DDA1: variants seen among roughly 807,000 people sequenced by gnomAD.
The protein encoded by DDA1 is DET1- and DDB1-associated protein 1.
In DDA1, 3 loss-of-function variants were observed where a neutral mutation model predicts 18.6. The observed-to-expected ratio is 0.16, with a 90% confidence interval of 0.07 to 0.42. The LOEUF (loss-of-function observed/expected upper bound fraction) is 0.42. DDA1 is among the 10% of genes least tolerant of loss of function. The pLI is 0.99. For synonymous variants in DDA1, 52 were observed against 54.0 expected (o/e 0.96, Z 0.17); for missense variants, 105 against 138.2 (o/e 0.76, Z 1.20).
intron 3 of DDA1, among the ~76,000 whole-genome samples, chr19:17,315,302 GTGTA>G (rs766194262): frequency 1.4e-4 from 4 of 28,964 alleles, no homozygotes; most frequent in African/African-American, 9.9e-4. Context: ...ATATACACAC[GTGTA>G]TATATATACA....
At position 17,314,027 on chromosome 19, in the gene DDA1, A is replaced by C; in HGVS notation, c.8A>C (p.Asp3Ala). The part of the protein sequence containing the change: MA[D>A]FLKGLPVYNK... ...ACCATCTTCCATGTCTTCTAGGCAG[A>C]TTTTTTGAAAGGACTGCCTGTCTAC... is the stretch of plus-strand genomic sequence containing the variant. The change falls in exon 2 of 5, where the codon GAT becomes GCT. Residue 3 changes from aspartate (D) to alanine (A), a missense_variant. Around this residue, in one of 2 missense-constraint regions of DDA1, gnomAD observed 43 missense variants for 82.3 expected, o/e 0.52. Coordinates refer to ENST00000359866, the MANE Select transcript of DDA1 (RefSeq NM_024050.6). The surrounding 1 kb of genome is among the most constrained non-coding windows in gnomAD (Gnocchi z 4.6). 6.2e-7 allele frequency: 1 copy of C among 1,613,984 alleles called. No individual in the cohort carries two copies. Among genetic ancestry groups the C allele is most frequent in the Non-Finnish European group, 8.5e-7 (1 of 1,179,888 alleles).
At chr19:17,315,230 CACACACACGTGTATAT>C (rs1367305245) in intron 3 of DDA1, among the ~76,000 whole-genome samples, 266 of 11,670 alleles carry the variant, frequency 0.023, 32 homozygotes, top group East Asian at 0.059. Flanking sequence ...CACGTGTATA[CACACACACGTGTATAT>C]ACACACACGT....
At chr19:17,319,460 T>G in intron 4 of DDA1, 86 bp from the exon 5 acceptor site, 10 of 1,130,838 alleles carry the variant, frequency 8.8e-6, no homozygotes, top group South Asian at 1.4e-5. Flanking sequence ...CTCCAGAGGC[T>G]GAGCTGGGAG....
Position 17,314,743 on chromosome 19 carries a change from C to A in DDA1, c.136+354C>A. On this transcript the variant is annotated intron_variant, in intron 3 of 4. Coordinates refer to ENST00000359866, the MANE Select transcript of DDA1 (RefSeq NM_024050.6). The surrounding 1 kb of genome is among the most constrained non-coding windows in gnomAD (Gnocchi z 4.6). ...GTCCCTCATCTGCCACTCACTGGTC[C>A]TTTCCCCTCCCTGTCAGATGAGGTC... 1 of 329,548 alleles carries A rather than the reference C, an allele frequency of 3.0e-6. No individual in the cohort carries two copies. The highest frequency in any genetic ancestry group is 5.8e-6 in the Non-Finnish European group (1 of 173,670). 20.4% of individuals were successfully genotyped at this position (329,548 alleles called of 1,614,324 possible). A position where few individuals can be genotyped will look rare whatever the true frequency, so the allele number is the denominator to read the frequency against.
rs2074192851 is a variant in DDA1, at chr19:17,314,396, GGCCGCT to G, written c.136+9_136+14del. On this transcript the variant is annotated splice_region_variant and intron_variant, in intron 3 of 4. Coordinates refer to ENST00000359866, the MANE Select transcript of DDA1 (RefSeq NM_024050.6). The surrounding 1 kb of genome is among the most constrained non-coding windows in gnomAD (Gnocchi z 4.6). ...GAGTACCCGTCTGAACAGAGTAAGT[GGCCGCT>G]GTCAGTCTGTCCCATTCTGGCTGCT... The G allele has an allele frequency of 1.2e-6, 2 of 1,614,130 alleles. No homozygotes were observed. The highest frequency in any genetic ancestry group is 2.7e-5 in the African/African-American group (2 of 74,948).
chr19:17,309,568 ACTGTGAGGCGGC>A lies in DDA1; in HGVS notation c.-86_-75del. 1 of 1,373,728 alleles carries A rather than the reference ACTGTGAGGCGGC, an allele frequency of 7.3e-7. No homozygotes were observed. The highest frequency in any genetic ancestry group is 1.0e-6 in the Non-Finnish European group (1 of 965,898). 85.1% of individuals were successfully genotyped at this position (1,373,728 alleles called of 1,614,324 possible). On this transcript the variant is annotated 5_prime_UTR_variant, in exon 1 of 5. Transcript: ENST00000359866. ...GTGGGCTGTGCCGTGGCTGGAAGTT[ACTGTGAGGCGGC>A]GGCTAAGAAGGCGGCTCTGGTGGCG... is the stretch of plus-strand genomic sequence containing the variant.
chr19:17,315,163 A>C (rs2145674233), intron 3 of DDA1, among the ~76,000 whole-genome samples: 1 of 74,662 alleles, frequency 1.3e-5, no homozygotes, highest in South Asian at 3.6e-4. Context: ...ATATATACAC[A>C]CGTGTATATA....
In DDA1 at chr19:17,314,544, A is replaced by G; in HGVS notation, c.136+155A>G. 1 of 992,462 alleles carries G rather than the reference A, an allele frequency of 1.0e-6. No individual in the cohort carries two copies. Among genetic ancestry groups the G allele is most frequent in the Non-Finnish European group, 1.5e-6 (1 of 666,080 alleles). The allele number at this position is 992,462 out of a possible 1,614,324, so 61.5% of individuals were successfully genotyped here. ...TCTACTGAATCCAGTTAAGTCAGGG[A>G]GGGCCTCCAGGGAGGTACAGGAGGG... is the stretch of plus-strand genomic sequence containing the variant. On this transcript the variant is annotated intron_variant, in intron 3 of 4. Transcript: ENST00000359866. The surrounding 1 kb of genome is among the most constrained non-coding windows in gnomAD (Gnocchi z 4.6).
intron 3 of DDA1, among the ~76,000 whole-genome samples, chr19:17,315,429 C>CATATATATATATATATATAT (rs56662339): frequency 0.031 from 1,619 of 51,726 alleles, 91 homozygotes; most frequent in African/African-American, 0.043. Flanking sequence ...TGTGTGTGTG[C>CATATATATATATATATATAT]ATATATATAT....
rs1033809898 is a variant in DDA1, at chr19:17,319,907, TA to T, written c.*259del. On this transcript the variant is annotated 3_prime_UTR_variant, in exon 5 of 5. Transcript: ENST00000359866. ...TAGTGTGATGTTGGTAGATGCTTTT[TA>T]AAAAAAACAACATTGTCCCCCCGAC... The T allele has an allele frequency of 2.1e-5, 9 of 423,370 alleles. No individual in the cohort carries two copies. Among genetic ancestry groups the T allele is most frequent in the South Asian group, 7.1e-5 (2 of 28,038 alleles). The allele number at this position is 423,370 out of a possible 1,614,324, so 26.2% of individuals were successfully genotyped here.
chr19:17,319,721 C>A lies in DDA1; in HGVS notation c.*65C>A. The A allele has an allele frequency of 6.9e-7, 1 of 1,449,328 alleles. No individual in the cohort carries two copies. Among genetic ancestry groups the A allele is most frequent in the African/African-American group, 1.4e-5 (1 of 71,244 alleles). The allele number at this position is 1,449,328 out of a possible 1,614,324, so 89.8% of individuals were successfully genotyped here. ...CTCGGTCGCCCACCCGCCTGCCCGC[C>A]ATGTGTAAGCACCCCGCCCGCCCGC... On this transcript the variant is annotated 3_prime_UTR_variant, in exon 5 of 5. Coordinates refer to ENST00000359866, the MANE Select transcript of DDA1 (RefSeq NM_024050.6).
intron 4 of DDA1, among the ~76,000 whole-genome samples, chr19:17,318,839 T>G (rs1568355070): frequency 1.3e-5 from 2 of 148,150 alleles, no homozygotes; most frequent in South Asian, 2.1e-4. Context: ...CAAGTTTGTT[T>G]TTTTTTTTTT....
In DDA1 at chr19:17,321,387, C is replaced by G. The variant is rs1340579405; in HGVS notation, c.*1731C>G. On this transcript the variant is annotated 3_prime_UTR_variant, in exon 5 of 5. Coordinates refer to ENST00000359866, the MANE Select transcript of DDA1 (RefSeq NM_024050.6). Reference sequence around the variant, plus strand: ...CCTCAGGTGCTTCGCCTGCCTCGGCCTCCCAAAGTGCTGTGACCGCACCTG... The same window carrying G: ...CCTCAGGTGCTTCGCCTGCCTCGGCGTCCCAAAGTGCTGTGACCGCACCTG... 1 of 152,198 alleles carries G rather than the reference C, an allele frequency of 6.6e-6. No individual in the cohort carries two copies. Among genetic ancestry groups the G allele is most frequent in the African/African-American group, 2.4e-5 (1 of 41,434 alleles). The allele number at this position is 152,198 out of a possible 1,614,324, so 9.4% of individuals were successfully genotyped here.
rs1448918202 is a variant in DDA1, at chr19:17,321,731, A to T, written c.*2075A>T. On this transcript the variant is annotated 3_prime_UTR_variant, in exon 5 of 5. Transcript: ENST00000359866. ...CCTAGGCGGCCCATCTCTCCCAAGG[A>T]CGGAGAGTGCCAGGGTGGGCTCCCG... 6.6e-6 allele frequency: 1 copy of T among 152,260 alleles called. No homozygotes were observed. Among genetic ancestry groups the T allele is most frequent in the East Asian group, 1.9e-4 (1 of 5,196 alleles). The allele number at this position is 152,260 out of a possible 1,614,324, so 9.4% of individuals were successfully genotyped here.
At chr19:17,313,589 C>T (rs980114357) in intron 1 of DDA1, among the ~76,000 whole-genome samples, 5 of 151,848 alleles carry the variant, frequency 3.3e-5, no homozygotes, top group Admixed American at 1.3e-4. Flanking sequence ...ATCATAGGCG[C>T]GCACCACCAC....
Position 17,322,708 on chromosome 19 carries a change from T to G in DDA1, c.*3052T>G, listed in dbSNP as rs2074245639. ...CTGTCCCACAGTGGGACATCCCTGC[T>G]GCATCCCAATGCCACCCCGTGTCCT... On this transcript the variant is annotated 3_prime_UTR_variant, in exon 5 of 5. Coordinates refer to ENST00000359866, the MANE Select transcript of DDA1 (RefSeq NM_024050.6). 1 of 152,252 alleles carries G rather than the reference T, an allele frequency of 6.6e-6. No homozygotes were observed. The highest frequency in any genetic ancestry group is 6.5e-5 in the Admixed American group (1 of 15,274). 9.4% of individuals were successfully genotyped at this position (152,252 alleles called of 1,614,324 possible).
intron 4 of DDA1, among the ~76,000 whole-genome samples, chr19:17,317,990 C>T (rs186891400): frequency 9.9e-5 from 15 of 152,090 alleles, no homozygotes; most frequent in Admixed American, 9.2e-4. Flanking sequence ...TTTGCCCTGC[C>T]CTGCCCTGCC....
In DDA1 at chr19:17,319,795, A is replaced by C; in HGVS notation, c.*139A>C. On this transcript the variant is annotated 3_prime_UTR_variant, in exon 5 of 5. Coordinates refer to ENST00000359866, the MANE Select transcript of DDA1 (RefSeq NM_024050.6). The stretch of plus-strand genomic sequence containing the variant: ...CTGCGTCCACACCACTTCCAACCTC[A>C]TAGGAGCCGATGTATTTATTTTCCT... 29 of 627,414 alleles carry C rather than the reference A, an allele frequency of 4.6e-5. No individual in the cohort carries two copies. The highest frequency in any genetic ancestry group is 8.4e-5 in the East Asian group (3 of 35,686). The allele number at this position is 627,414 out of a possible 1,614,324, so 38.9% of individuals were successfully genotyped here. A position where few individuals can be genotyped will look rare whatever the true frequency, so the allele number is the denominator to read the frequency against.
In DDA1 at chr19:17,322,802, T is replaced by C. The variant is rs1599540543; in HGVS notation, c.*3146T>C. On this transcript the variant is annotated 3_prime_UTR_variant, in exon 5 of 5. Transcript: ENST00000359866. ...GACTGCAGGAGGCTCAGGTGCCAGG[T>C]GCCTTCTGATGTTCATGCCACAAGC... 6.6e-6 allele frequency: 1 copy of C among 152,198 alleles called. No individual in the cohort carries two copies. The highest frequency in any genetic ancestry group is 1.9e-4 in the East Asian group (1 of 5,192). 9.4% of individuals were successfully genotyped at this position (152,198 alleles called of 1,614,324 possible).
Sources: gnomAD v4.1 joint callset for allele counts (sites outside exome capture counted in the v4.1 genomes callset) on GRCh38, gnomAD v4.1.1 for gene constraint, gnomAD v4.1.1 regional missense constraint, Gnocchi (gnomAD v3.1) non-coding constraint, MANE v1.5 for transcripts, NCBI Gene and HGNC (gene_info 2026-07-23, HGNC 2026-07-21) for gene names.